Variants in MBD5 observed in about 807,000 individuals in gnomAD.
MBD5 encodes the protein methyl-CpG binding domain protein 5.
In MBD5, 13 loss-of-function variants were observed where a neutral mutation model predicts 117.3. That is an observed-to-expected ratio of 0.11 (90% CI 0.07 to 0.18). MBD5 has a LOEUF of 0.18. Ranked by LOEUF, MBD5 falls within the 10% of genes least tolerant of loss-of-function variation. The pLI, the probability that MBD5 is intolerant of heterozygous loss-of-function variation, is 1.00. For missense variants in MBD5, 1,879 were observed against 2,093.8 expected (o/e 0.90, Z 2.00); for synonymous variants, 727 against 766.4 (o/e 0.95, Z 0.85).
chr2:148,105,062 C>G (rs966574891), intron 1 of MBD5, among the ~76,000 whole-genome samples: 1 of 151,932 alleles, frequency 6.6e-6, no homozygotes, highest in African/African-American at 2.4e-5. Context: ...TTTTCTATTT[C>G]GTCTTGAGTC....
intron 1 of MBD5, among the ~76,000 whole-genome samples, chr2:148,139,390 G>A (rs1374534052): frequency 6.6e-6 from 1 of 152,098 alleles, no homozygotes; most frequent in African/African-American, 2.4e-5. Flanking sequence ...ATTTTTAGTA[G>A]AGACGGGGTT....
chr2:148,510,884 G>T lies in MBD5; in HGVS notation c.5112+749G>T, dbSNP rs1002128104. ...AATTTCCTGATAAAATTATAGGAAA[G>T]ATCTAGATTGGGGATTATAAACTCA... On this transcript the variant is annotated intron_variant, in intron 13 of 13. Transcript: ENST00000642680. Among the ~76,000 whole-genome samples the T allele has an allele frequency of 1.7e-4, 26 of 152,308 alleles. 1 individual carries two copies. The highest frequency in any genetic ancestry group is 1.4e-3 in the Admixed American group (22 of 15,304).
chr2:148,311,664 G>A (rs1702035598), intron 3 of MBD5, among the ~76,000 whole-genome samples: 1 of 152,112 alleles, frequency 6.6e-6, no homozygotes, highest in Non-Finnish European at 1.5e-5. Context: ...GGGTAATATT[G>A]TTATGTCTGA....
intron 11 of MBD5, among the ~76,000 whole-genome samples, chr2:148,493,849 GA>G (rs1358932805): frequency 6.6e-6 from 1 of 152,128 alleles, no homozygotes; most frequent in Non-Finnish European, 1.5e-5. Flanking sequence ...CAGAGAACTA[GA>G]AAAAAAGCAG....
intron 4 of MBD5, among the ~76,000 whole-genome samples, chr2:148,377,521 TG>T (rs1186141773): frequency 6.6e-6 from 1 of 152,242 alleles, no homozygotes; most frequent in Non-Finnish European, 1.5e-5. Flanking sequence ...CTTTGCTTCA[TG>T]GGCAACTAAG....
chr2:148,043,933 C>A (rs1694446277), intron 1 of MBD5, among the ~76,000 whole-genome samples: 1 of 152,122 alleles, frequency 6.6e-6, no homozygotes, highest in Non-Finnish European at 1.5e-5. Flanking sequence ...TCAATTATAG[C>A]TACTTGAAAA....
At chr2:148,452,594 GA>G (rs5835191) in intron 4 of MBD5, among the ~76,000 whole-genome samples, 134,746 of 151,464 alleles carry the variant, frequency 0.89, 60,269 homozygotes, top group East Asian at 1. Flanking sequence ...AGCAAAATGA[GA>G]AAAAAAAAAG....
chr2:148,116,007 C>G (rs1696628840), intron 1 of MBD5, among the ~76,000 whole-genome samples: 1 of 152,010 alleles, frequency 6.6e-6, no homozygotes, highest in African/African-American at 2.4e-5. Flanking sequence ...CCACGCCCAG[C>G]TAACTTTTGT....
chr2:148,065,671 A>G (rs1377934686), intron 1 of MBD5, among the ~76,000 whole-genome samples: 1 of 152,218 alleles, frequency 6.6e-6, no homozygotes, highest in African/African-American at 2.4e-5. Flanking sequence ...CCTATCAGGT[A>G]AACCATAGAT....
chr2:148,232,360 T>C (rs931030850), intron 2 of MBD5, among the ~76,000 whole-genome samples: 72 of 152,224 alleles, frequency 4.7e-4, no homozygotes, highest in African/African-American at 1.5e-3. Context: ...TAAAAATCAT[T>C]CTTTTGTTAC....
intron 1 of MBD5, among the ~76,000 whole-genome samples, chr2:148,147,374 T>A (rs1019779256): frequency 6.6e-6 from 1 of 150,552 alleles, no homozygotes; most frequent in Admixed American, 6.7e-5. Flanking sequence ...CCCGAGAAGC[T>A]GGGACTACAA....
intron 1 of MBD5, among the ~76,000 whole-genome samples, chr2:148,101,438 G>A (rs1023576855): frequency 6.6e-6 from 1 of 152,024 alleles, no homozygotes; most frequent in Non-Finnish European, 1.5e-5. Context: ...CTTCAGCTTA[G>A]ATGATAGAGA....
chr2:148,212,541 A>G lies in MBD5; in HGVS notation c.-830-20704A>G, dbSNP rs117394855. Among the ~76,000 whole-genome samples, 104 of 152,292 alleles carry G rather than the reference A, an allele frequency of 6.8e-4. No individual in the cohort carries two copies. The East Asian group carries it at 0.012, about 17-fold the overall frequency. On this transcript the variant is annotated intron_variant, in intron 2 of 13. Coordinates refer to ENST00000642680, the MANE Select transcript of MBD5 (RefSeq NM_001378120.1). The stretch of plus-strand genomic sequence containing the variant: ...TCAATGATAAAAAGCCTGAAATTAT[A>G]GTTTGGTATAGAGCAGTCTTTGACG...
At chr2:148,457,491 A>C (rs1669657318) in intron 4 of MBD5, among the ~76,000 whole-genome samples, 1 of 152,170 alleles carries the variant, frequency 6.6e-6, no homozygotes, top group Non-Finnish European at 1.5e-5. Context: ...AGCTCAATCA[A>C]GATAACTTTT....
chr2:148,176,764 TGAGA>T (rs528546043), intron 1 of MBD5, among the ~76,000 whole-genome samples: 1 of 151,260 alleles, frequency 6.6e-6, no homozygotes, highest in South Asian at 2.1e-4. Flanking sequence ...TTAGTAGTTA[TGAGA>T]GAGAGAGAGA....
intron 4 of MBD5, among the ~76,000 whole-genome samples, chr2:148,444,266 C>T (rs1279910104): frequency 1.3e-5 from 2 of 151,082 alleles, no homozygotes; most frequent in Non-Finnish European, 2.9e-5. Context: ...TACTTTCTCG[C>T]CCGTGTGTTG....
chr2:148,462,481 A>G, intron 5 of MBD5, 101 bp from the exon 6 acceptor site: 1 of 779,742 alleles, frequency 1.3e-6, no homozygotes, highest in Non-Finnish European at 2.2e-6. Flanking sequence ...CTAGTGGGAA[A>G]ATATCCCATA....
intron 1 of MBD5, 100 bp from the exon 2 acceptor site, chr2:148,178,600 T>G (rs1409069379): frequency 1.0e-5 from 4 of 386,960 alleles, no homozygotes; most frequent in Non-Finnish European, 1.8e-5. Context: ...GCTTATTATA[T>G]AAAGTCATGA....
At chr2:148,146,758 T>C (rs188323793) in intron 1 of MBD5, among the ~76,000 whole-genome samples, 179 of 152,316 alleles carry the variant, frequency 1.2e-3, no homozygotes, top group African/African-American at 4.2e-3. Flanking sequence ...CCCACAGATA[T>C]CTGAGGCTCT....
Sources: allele counts gnomAD v4.1 joint callset (sites outside exome capture counted in the v4.1 genomes callset), GRCh38; gene constraint gnomAD v4.1.1; transcripts MANE v1.5; gene names NCBI Gene and HGNC (gene_info 2026-07-23, HGNC 2026-07-21).